PKIB: variants seen among roughly 807,000 people sequenced by gnomAD.
The protein encoded by PKIB is cAMP-dependent protein kinase inhibitor beta.
PKIB carries 2 observed loss-of-function variants against 4.5 expected under a neutral mutation model. The observed-to-expected ratio is 0.44, with a 90% confidence interval of 0.18 to 1.39. PKIB has a LOEUF of 1.39. PKIB is among the 40% of genes most tolerant of loss of function. The probability of loss-of-function intolerance (pLI) is 0.27; values close to 1 mark genes in which losing one functional copy is unlikely to be tolerated. For synonymous variants in PKIB, 38 were observed against 36.0 expected, an observed-to-expected ratio of 1.06 and a Z score of -0.20; for missense variants, 94 against 92.6, an observed-to-expected ratio of 1.02 and a Z score of -0.06.
chr6:122,591,853 G>A (rs1210091367), intron 3 of PKIB, among the ~76,000 whole-genome samples: 2 of 150,858 alleles, frequency 1.3e-5, no homozygotes, highest in Non-Finnish European at 2.9e-5. Context: ...TGGAATTACA[G>A]GAATTACATG....
At chr6:122,549,019 A>G (rs1338397875) in intron 2 of PKIB, among the ~76,000 whole-genome samples, 1 of 152,212 alleles carries the variant, frequency 6.6e-6, no homozygotes, top group Admixed American at 6.5e-5. Flanking sequence ...TTCCTTGACT[A>G]CAACCCATGG....
chr6:122,713,058 C>A lies in PKIB; in HGVS notation c.-8-4729C>A, dbSNP rs1442944022. 2.0e-5 allele frequency among the ~76,000 whole-genome samples: 3 copies of A among 151,952 alleles called. No individual in the cohort carries two copies. The South Asian group carries it at 6.2e-4, about 31-fold the overall frequency. On this transcript the variant is annotated intron_variant, in intron 3 of 4. Transcript: ENST00000368452. ...TGTTGCATTCTCAATATTTCAGAGA[C>A]TGTAAAGATGCTGGCATGTGTGTAT...
intron 2 of PKIB, among the ~76,000 whole-genome samples, chr6:122,539,300 A>G (rs1478962784): frequency 1.3e-5 from 2 of 152,110 alleles, no homozygotes; most frequent in African/African-American, 4.8e-5. Context: ...CCCATTCAGT[A>G]TGATATTGGC....
At chr6:122,692,278 G>C (rs1778388447) in intron 3 of PKIB, among the ~76,000 whole-genome samples, 1 of 152,200 alleles carries the variant, frequency 6.6e-6, no homozygotes, top group Non-Finnish European at 1.5e-5. Flanking sequence ...TCCCTTCAGG[G>C]CAGTGAATTC....
intron 2 of PKIB, among the ~76,000 whole-genome samples, chr6:122,512,658 A>G (rs910915734): frequency 6.6e-5 from 10 of 152,132 alleles, no homozygotes; most frequent in African/African-American, 2.4e-4. Flanking sequence ...TGGCTTTGGT[A>G]TCCTTCGAAC....
At chr6:122,667,788 T>C (rs1295575628) in intron 2 of PKIB, among the ~76,000 whole-genome samples, 2 of 152,226 alleles carry the variant, frequency 1.3e-5, no homozygotes, top group African/African-American at 4.8e-5. Flanking sequence ...GTGGTTTTTA[T>C]GTGGCACATG....
exon 1 of PKIB, chr6:122,472,033 A>T: frequency 1.8e-6 from 1 of 561,632 alleles, no homozygotes; most frequent in Non-Finnish European, 2.9e-6. Flanking sequence ...TTGCCAAATT[A>T]AGAAAACGGT....
At chr6:122,500,054 C>T (rs1030261310) in intron 2 of PKIB, among the ~76,000 whole-genome samples, 1 of 152,070 alleles carries the variant, frequency 6.6e-6, no homozygotes, top group Non-Finnish European at 1.5e-5. Context: ...ATAAATGAGA[C>T]AGACAAATGG....
At chr6:122,637,262 A>T (rs765861615) in intron 2 of PKIB, among the ~76,000 whole-genome samples, 1 of 152,204 alleles carries the variant, frequency 6.6e-6, no homozygotes, top group Non-Finnish European at 1.5e-5. Flanking sequence ...ATGTTTGAAA[A>T]TTGCTTTTTC....
chr6:122,617,439 T>C (rs1775039737), intron 1 of PKIB, among the ~76,000 whole-genome samples: 2 of 152,168 alleles, frequency 1.3e-5, no homozygotes, highest in Admixed American at 1.3e-4. Flanking sequence ...CCCAGCATAG[T>C]TTGTTTCAAC....
intron 3 of PKIB, among the ~76,000 whole-genome samples, chr6:122,692,917 A>G (rs1484517743): frequency 6.6e-6 from 1 of 152,246 alleles, no homozygotes; most frequent in Non-Finnish European, 1.5e-5. Flanking sequence ...TTGAATTTTA[A>G]TCTTGGCAAT....
chr6:122,485,295 T>A (rs1343597005), intron 2 of PKIB, among the ~76,000 whole-genome samples: 1 of 152,144 alleles, frequency 6.6e-6, no homozygotes, highest in African/African-American at 2.4e-5. Flanking sequence ...AAAACTGAAT[T>A]AATCTATTAC....
chr6:122,549,889 T>A (rs974792871), intron 2 of PKIB, among the ~76,000 whole-genome samples: 3 of 145,446 alleles, frequency 2.1e-5, no homozygotes, highest in Non-Finnish European at 4.5e-5. Context: ...TAATTTTATA[T>A]ATACACACAC....
intron 2 of PKIB, among the ~76,000 whole-genome samples, chr6:122,646,138 A>T (rs1399819069): frequency 6.6e-6 from 1 of 152,202 alleles, no homozygotes; most frequent in Non-Finnish European, 1.5e-5. Context: ...TCTAAGAAGA[A>T]AGTATAAAAT....
chr6:122,563,890 GAGA>G (rs1348002891), intron 2 of PKIB, among the ~76,000 whole-genome samples: 1 of 152,154 alleles, frequency 6.6e-6, no homozygotes, highest in African/African-American at 2.4e-5. Context: ...CCAGCTGTGA[GAGA>G]AGAAGGCTTG....
chr6:122,693,428 G>A (rs1778431015), intron 3 of PKIB, among the ~76,000 whole-genome samples: 1 of 152,070 alleles, frequency 6.6e-6, no homozygotes, highest in Non-Finnish European at 1.5e-5. Context: ...TAGATTTGTG[G>A]GAATTTTCTC....
intron 2 of PKIB, among the ~76,000 whole-genome samples, chr6:122,535,097 C>T (rs1336502478): frequency 3.3e-5 from 5 of 152,094 alleles, no homozygotes; most frequent in African/African-American, 1.2e-4. Context: ...TCTCTCTTCT[C>T]TCTCTCTTCT....
intron 2 of PKIB, among the ~76,000 whole-genome samples, chr6:122,508,255 T>G (rs1418703798): frequency 6.6e-6 from 1 of 152,222 alleles, no homozygotes; most frequent in East Asian, 1.9e-4. Flanking sequence ...TAAGAATATG[T>G]ATTTATGGTC....
intron 2 of PKIB, among the ~76,000 whole-genome samples, chr6:122,517,367 T>A (rs1361629045): frequency 6.6e-6 from 1 of 152,204 alleles, no homozygotes; most frequent in Non-Finnish European, 1.5e-5. Flanking sequence ...TTAGGAAATG[T>A]TTAAATATTA....
Sources: gnomAD v4.1 joint callset for allele counts (sites outside exome capture counted in the v4.1 genomes callset) on GRCh38, gnomAD v4.1.1 for gene constraint, MANE v1.5 for transcripts, NCBI Gene and HGNC (gene_info 2026-07-23, HGNC 2026-07-21) for gene names.